Variants in TAFA4 observed in about 807,000 individuals in gnomAD.
TAFA4 encodes chemokine-like protein TAFA-4.
In TAFA4, 20 loss-of-function variants were observed where a neutral mutation model predicts 21.1. The ratio of observed to expected loss-of-function variants is 0.95; its 90% CI spans 0.67 to 1.38. The LOEUF (loss-of-function observed/expected upper bound fraction) is 1.38, where lower values mean the gene tolerates loss of function less well. TAFA4 is among the 40% of genes most tolerant of loss of function. The pLI, the probability that TAFA4 is intolerant of heterozygous loss-of-function variation, is 0.00. For synonymous variants in TAFA4, 71 were observed against 67.4 expected (o/e 1.05, Z -0.26); for missense variants, 211 against 180.9 (o/e 1.17, Z -0.95).
At chr3:68,738,959 C>A (rs1458439450) in intron 5 of TAFA4, 116 bp downstream of exon 5, 1 of 1,449,062 alleles carries the variant, frequency 6.9e-7, no homozygotes, top group Non-Finnish European at 9.3e-7. Context: ...GGTAGCACTG[C>A]CCAAGCAGGT....
intron 4 of TAFA4, among the ~76,000 whole-genome samples, chr3:68,751,409 C>A (rs1303688596): frequency 6.6e-6 from 1 of 152,048 alleles, no homozygotes; most frequent in African/African-American, 2.4e-5. Flanking sequence ...GTGGACGTAG[C>A]AGTGGGGATG....
chr3:68,768,134 G>C (rs1702890475), intron 3 of TAFA4, among the ~76,000 whole-genome samples: 1 of 152,050 alleles, frequency 6.6e-6, no homozygotes, highest in Non-Finnish European at 1.5e-5. Context: ...TCTAAAAAGG[G>C]CTTCTATGTA....
At chr3:68,802,646 A>C (rs757637053) in intron 3 of TAFA4, among the ~76,000 whole-genome samples, 2 of 152,154 alleles carry the variant, frequency 1.3e-5, no homozygotes, top group Non-Finnish European at 2.9e-5. Context: ...TAAGCCCTAG[A>C]AGTACTCTGC....
intron 3 of TAFA4, among the ~76,000 whole-genome samples, chr3:68,755,704 G>C (rs902512725): frequency 1.3e-5 from 2 of 152,206 alleles, no homozygotes; most frequent in Non-Finnish European, 2.9e-5. Flanking sequence ...ACCCTGGCAT[G>C]AGCAGCCCTA....
At chr3:68,873,652 AACATGTTC>A (rs1208709075) in intron 3 of TAFA4, among the ~76,000 whole-genome samples, 2 of 152,134 alleles carry the variant, frequency 1.3e-5, no homozygotes, top group Non-Finnish European at 2.9e-5. Context: ...AGAAAACAGC[AACATGTTC>A]ACATGTTCAT....
chr3:68,920,171 A>G (rs2090044297), intron 1 of TAFA4, among the ~76,000 whole-genome samples: 1 of 152,226 alleles, frequency 6.6e-6, no homozygotes, highest in Non-Finnish European at 1.5e-5. Context: ...TGGTAGTTAA[A>G]GGAATGAGTG....
At chr3:68,869,793 T>C (rs1410497110) in intron 3 of TAFA4, among the ~76,000 whole-genome samples, 4 of 151,898 alleles carry the variant, frequency 2.6e-5, no homozygotes, top group African/African-American at 9.7e-5. Context: ...CTCTAAGATC[T>C]GGAATAAGAC....
chr3:68,793,815 A>G (rs919993732), intron 3 of TAFA4, among the ~76,000 whole-genome samples: 1 of 152,222 alleles, frequency 6.6e-6, no homozygotes, highest in Non-Finnish European at 1.5e-5. Flanking sequence ...ATAGAGATAA[A>G]GTGCAATTCA....
chr3:68,780,018 C>T (rs939724230), intron 3 of TAFA4, among the ~76,000 whole-genome samples: 1 of 152,208 alleles, frequency 6.6e-6, no homozygotes, highest in Non-Finnish European at 1.5e-5. Flanking sequence ...CTTGCATCAG[C>T]ATGACCTTGA....
Position 68,791,797 on chromosome 3 carries a change from C to T in TAFA4, c.131-38779G>A, listed in dbSNP as rs147300959. Reference sequence around the variant, plus strand: ...CACAGAAGCAAAAGGGAGCCCTGTCCCAGAGGAGCAGCAGCTTTTCAGCTC... The same window carrying T: ...CACAGAAGCAAAAGGGAGCCCTGTCTCAGAGGAGCAGCAGCTTTTCAGCTC... On this transcript the variant is annotated intron_variant, in intron 3 of 5. Coordinates refer to ENST00000295569, the MANE Select transcript of TAFA4 (RefSeq NM_182522.5). 4.4e-4 allele frequency among the ~76,000 whole-genome samples: 67 copies of T among 152,212 alleles called. No individual in the cohort carries two copies. In the East Asian group the frequency reaches 9.3e-3, roughly 21 times the overall value.
At chr3:68,929,531 G>T (rs1185087760) in intron 1 of TAFA4, among the ~76,000 whole-genome samples, 1 of 152,178 alleles carries the variant, frequency 6.6e-6, no homozygotes, top group Non-Finnish European at 1.5e-5. Flanking sequence ...CTGAAGAAAT[G>T]AACTCATGTA....
chr3:68,834,397 T>C (rs975474186), intron 3 of TAFA4, among the ~76,000 whole-genome samples: 31 of 152,300 alleles, frequency 2.0e-4, no homozygotes, highest in African/African-American at 7.2e-4. Flanking sequence ...TTAATTTATC[T>C]GTTGGTTGTA....
In TAFA4 at chr3:68,885,293, T is replaced by G. The variant is rs2089659588; in HGVS notation, c.-105A>C. 1.1e-5 allele frequency: 12 copies of G among 1,055,340 alleles called. No individual in the cohort carries two copies. Among genetic ancestry groups the G allele is most frequent in the African/African-American group, 1.6e-5 (1 of 61,858 alleles). The allele number at this position is 1,055,340 out of a possible 1,614,324, so 65.4% of individuals were successfully genotyped here. A position where few individuals can be genotyped will look rare whatever the true frequency, so the allele number is the denominator to read the frequency against. Reference sequence around the variant, plus strand: ...AATCATTTCTGCCGTTCCAAAAAATTATCGTAGCTCAGAAGACCTATGTTA... The same window carrying G: ...AATCATTTCTGCCGTTCCAAAAAATGATCGTAGCTCAGAAGACCTATGTTA... On this transcript the variant is annotated 5_prime_UTR_variant, in exon 2 of 6. The change abolishes the stop of an existing upstream ORF in the 5' untranslated region. Transcript: ENST00000295569.
At chr3:68,773,192 G>A (rs1232877209) in intron 3 of TAFA4, among the ~76,000 whole-genome samples, 1 of 152,084 alleles carries the variant, frequency 6.6e-6, no homozygotes, top group South Asian at 2.1e-4. Flanking sequence ...TGACCAACTT[G>A]ACTACAAATT....
intron 1 of TAFA4, 146 bp from the exon 2 acceptor site, chr3:68,885,456 T>C (rs770993848): frequency 8.1e-5 from 40 of 492,962 alleles, no homozygotes; most frequent in Non-Finnish European, 1.3e-4. Flanking sequence ...ATATCCATAG[T>C]TGTAAGGTGT....
chr3:68,839,995 G>C (rs913270027), intron 3 of TAFA4, among the ~76,000 whole-genome samples: 1 of 152,220 alleles, frequency 6.6e-6, no homozygotes. Flanking sequence ...GCTGTCTTAC[G>C]CCCTCCTCTT....
intron 1 of TAFA4, among the ~76,000 whole-genome samples, chr3:68,912,564 G>C (rs1050199615): frequency 5.9e-5 from 9 of 152,208 alleles, no homozygotes; most frequent in African/African-American, 1.9e-4. Flanking sequence ...CCAGATGAGC[G>C]AGCGAGCGGC....
intron 3 of TAFA4, among the ~76,000 whole-genome samples, chr3:68,764,489 A>G (rs926003862): frequency 6.6e-6 from 1 of 152,224 alleles, no homozygotes; most frequent in African/African-American, 2.4e-5. Context: ...AGGCTGAAAA[A>G]AGGTGAAATG....
At chr3:68,796,128 C>T (rs1263025730) in intron 3 of TAFA4, among the ~76,000 whole-genome samples, 5 of 152,276 alleles carry the variant, frequency 3.3e-5, no homozygotes, top group Middle Eastern at 3.4e-3. Context: ...GTGGCCATCA[C>T]CACTGGACTG....
Sources: gnomAD v4.1 joint callset for allele counts (sites outside exome capture counted in the v4.1 genomes callset) on GRCh38, gnomAD v4.1.1 for gene constraint, MANE v1.5 for transcripts, NCBI Gene and HGNC (gene_info 2026-07-23, HGNC 2026-07-21) for gene names.